Variants in PHIP observed in about 807,000 individuals in gnomAD.
PHIP encodes PH-interacting protein.
Under a neutral mutation model 236.8 loss-of-function variants are expected in PHIP, and 54 were observed. That is an observed-to-expected ratio of 0.23 (90% CI 0.18 to 0.29). The LOEUF (loss-of-function observed/expected upper bound fraction) is 0.29. Among genes scored for constraint, PHIP ranks in the 10% least tolerant of loss-of-function variants. The probability of loss-of-function intolerance (pLI) is 1.00; values close to 1 mark genes in which losing one functional copy is unlikely to be tolerated. For synonymous variants in PHIP, 756 were observed against 718.9 expected (o/e 1.05, Z -0.83); for missense variants, 1,370 against 2,190.8 (o/e 0.63, Z 7.48).
intron 10 of PHIP, among the ~76,000 whole-genome samples, chr6:79,017,939 T>C (rs1770912807): frequency 6.6e-6 from 1 of 151,930 alleles, no homozygotes; most frequent in Non-Finnish European, 1.5e-5. Context: ...TTCCCATGTG[T>C]CAAAATCTTA....
chr6:79,009,469 T>C (rs1054615576), intron 15 of PHIP, among the ~76,000 whole-genome samples: 3 of 152,092 alleles, frequency 2.0e-5, no homozygotes, highest in African/African-American at 4.8e-5. Context: ...ATACAGCAAC[T>C]GTCTTTTCTC....
chr6:78,967,978 CA>C (rs545254847), intron 27 of PHIP, among the ~76,000 whole-genome samples: 6 of 147,404 alleles, frequency 4.1e-5, no homozygotes, highest in East Asian at 2.0e-4. Flanking sequence ...ACTAAAAATA[CA>C]AAAAAAAAAT....
Position 78,954,892 on chromosome 6 carries a change from A to G in PHIP, c.3975T>C (p.Cys1325=). The G allele has an allele frequency of 1.3e-6, 2 of 1,587,732 alleles. No individual in the cohort carries two copies. The highest frequency in any genetic ancestry group is 1.7e-6 in the Non-Finnish European group (2 of 1,168,270). ...GAAATATGAGATTTAACAATTCTTC[A>G]CACTGTTTCTTCCATGCTTGAATAT... The part of the protein sequence containing the change: ...SYDIQAWKKQ[C]EELLNLIFQC... Residue 1325 remains cysteine (C), a synonymous_variant, in exon 35 of 40, where the codon TGT becomes TGC. Transcript: ENST00000275034.
Position 79,026,001 on chromosome 6 carries a change from C to T in PHIP, c.764G>A (p.Arg255Gln). 1.2e-6 allele frequency: 2 copies of T among 1,614,022 alleles called. No individual in the cohort carries two copies. ...AAGAACAGCCAAAGGTGCACAGGTT[C>T]GAAGACACCAGACTCGGATCATTTT... ...CDKMIRVWCL[R>Q]TCAPLAVLQG... Residue 255 changes from arginine to glutamine, a missense_variant, in exon 8 of 40, where the codon CGA (arginine) becomes CAA (glutamine). Arg to Gln is a conservative substitution (Grantham distance 43). Transcript: ENST00000275034.
chr6:78,961,025 A>T (rs1282809664), intron 31 of PHIP, among the ~76,000 whole-genome samples: 2 of 152,124 alleles, frequency 1.3e-5, no homozygotes, highest in Non-Finnish European at 2.9e-5. Flanking sequence ...TTAAAACTAA[A>T]AACAGGATTC....
At chr6:78,981,054 T>G (rs867107269) in intron 23 of PHIP, among the ~76,000 whole-genome samples, 11 of 152,068 alleles carry the variant, frequency 7.2e-5, no homozygotes, top group Admixed American at 1.3e-4. Flanking sequence ...CAATAATTCC[T>G]GAGGAACTTA....
rs1773362340 is a variant in PHIP at position 78,938,715 on chromosome 6, A to C, written c.*1978T>G. ...GTTAGAAAAAAATAAATATACAAAA[A>C]ACCTGAAAAATTTGAAATTATTTTT... On this transcript the variant is annotated 3_prime_UTR_variant, in exon 40 of 40. Coordinates refer to ENST00000275034, the MANE Select transcript of PHIP (RefSeq NM_017934.7). The C allele has an allele frequency of 6.6e-6, 1 of 151,718 alleles. No homozygotes were observed. Among genetic ancestry groups the C allele is most frequent in the South Asian group, 2.1e-4 (1 of 4,834 alleles). The allele number at this position is 151,718 out of a possible 1,614,324, so 9.4% of individuals were successfully genotyped here. A position where few individuals can be genotyped will look rare whatever the true frequency, so the allele number is the denominator to read the frequency against.
At chr6:79,062,748 G>A (rs1773439756) in intron 4 of PHIP, among the ~76,000 whole-genome samples, 1 of 152,174 alleles carries the variant, frequency 6.6e-6, no homozygotes, top group Non-Finnish European at 1.5e-5. Flanking sequence ...AAAGTTAGAA[G>A]AGATACTTCC....
At chr6:79,025,725 G>A (rs1049833038) in intron 8 of PHIP, 106 bp from the exon 9 acceptor site, 23 of 782,954 alleles carry the variant, frequency 2.9e-5, no homozygotes, top group Non-Finnish European at 4.6e-5. Context: ...GTTAGAAAAT[G>A]GCAAGAATTT....
chr6:79,005,570 A>AT lies in PHIP; in HGVS notation c.1525-1713dup, dbSNP rs563445751. Among the ~76,000 whole-genome samples, 495 of 151,554 alleles carry AT rather than the reference A, an allele frequency of 3.3e-3. 2 individuals carry two copies. The highest frequency in any genetic ancestry group is 0.01 in the African/African-American group (422 of 41,392). ...TGCCTTAGCCATGTGTTGTTAAATGATTTTTTTTTAACTCAGTTCACTCAA... is the reference window on the plus strand; with the variant it reads ...TGCCTTAGCCATGTGTTGTTAAATGATTTTTTTTTTAACTCAGTTCACTCAA... On this transcript the variant is annotated intron_variant, in intron 15 of 39. Transcript: ENST00000275034.
rs1297864567 is a variant in PHIP at position 78,946,234 on chromosome 6, T to C, written c.4397A>G (p.Lys1466Arg). ...SSPERKKRIL[K>R]PQLKSESSTS... ...AGAGCTTTCTGATTTTAGCTGGGGT[T>C]TTAAGATCCTTTTTTTCCTTTCAGG... The change falls in exon 38 of 40, where the codon AAA becomes AGA. Residue 1466 changes from lysine (K) to arginine (R), a missense_variant. Lys to Arg is a conservative substitution (Grantham distance 26). Coordinates refer to ENST00000275034, the MANE Select transcript of PHIP (RefSeq NM_017934.7). 6.2e-7 allele frequency: 1 copy of C among 1,613,382 alleles called. No individual in the cohort carries two copies. Among genetic ancestry groups the C allele is most frequent in the East Asian group, 2.2e-5 (1 of 44,888 alleles).
intron 27 of PHIP, among the ~76,000 whole-genome samples, chr6:78,966,624 C>T (rs1572586): frequency 1.2e-4 from 18 of 152,264 alleles, no homozygotes; most frequent in African/African-American, 4.3e-4. Flanking sequence ...CTTTTTAAAA[C>T]AGAGGACACT....
In PHIP at chr6:78,970,180, GAGAC is replaced by G. The variant is rs1197710439; in HGVS notation, c.2998-11_2998-8del. On this transcript the variant is annotated splice_polypyrimidine_tract_variant and splice_region_variant and intron_variant, in intron 25 of 39. Coordinates refer to ENST00000275034, the MANE Select transcript of PHIP (RefSeq NM_017934.7). ...TTTTCATAAGTTCTTGTTCCTGAGA[GAGAC>G]AGAGAATATAAGGAACCATCTTTAC... 1 of 1,608,632 alleles carries G rather than the reference GAGAC, an allele frequency of 6.2e-7. No individual in the cohort carries two copies.
rs7742874 is a variant in PHIP, at chr6:78,969,851, G to A, written c.3189C>T (p.Tyr1063=). The change falls in exon 27 of 40, where the codon TAC becomes TAT. Residue 1063 remains tyrosine, a synonymous_variant. Transcript: ENST00000275034. ...VLRQQFDDAK[Y]RRWNIGDRFR... is the part of the protein sequence containing the mutation. ...ATTACCCACCTATATTCCATCGCCT[G>A]TATTTTGCATCATCAAATTGTTGTC... 1 of 1,567,478 alleles carries A rather than the reference G, an allele frequency of 6.4e-7. No homozygotes were observed. The highest frequency in any genetic ancestry group is 8.8e-7 in the Non-Finnish European group (1 of 1,141,944).
In PHIP at chr6:78,938,125, A is replaced by G. The variant is rs1312991960; in HGVS notation, c.*2568T>C. On this transcript the variant is annotated 3_prime_UTR_variant, in exon 40 of 40. Coordinates refer to ENST00000275034, the MANE Select transcript of PHIP (RefSeq NM_017934.7). ...TCTTAATTCAACTTCTGTAATGCAT[A>G]GAAGCTAAATTATAAAAATATAAAA... 6.6e-6 allele frequency: 1 copy of G among 151,756 alleles called. No individual in the cohort carries two copies. Among genetic ancestry groups the G allele is most frequent in the Admixed American group, 6.6e-5 (1 of 15,240 alleles). 9.4% of individuals were successfully genotyped at this position (151,756 alleles called of 1,614,324 possible).
rs1279890099 is a variant in PHIP at position 78,983,008 on chromosome 6, C to T, written c.2647G>A (p.Glu883Lys). ...TTCTGTTTTTCAGATTCTTCTTCTT[C>T]ATCTGAACTGCTTTCTGCTTTCTTG... Reference protein sequence around the residue: ...KTKKAESSSDEEEESEKQKQK... With the variant: ...KTKKAESSSDKEEESEKQKQK... The change falls in exon 23 of 40, where the codon GAA becomes AAA. Residue 883 changes from glutamate (E) to lysine (K), a missense_variant. Around this residue, in one of 14 missense-constraint regions of PHIP, gnomAD observed 76 missense variants for 76.4 expected, o/e 0.99. Transcript: ENST00000275034. The T allele has an allele frequency of 6.2e-7, 1 of 1,608,810 alleles. No individual in the cohort carries two copies. The highest frequency in any genetic ancestry group is 8.5e-7 in the Non-Finnish European group (1 of 1,176,512).
chr6:79,065,764 C>CCCCACACA (rs1491391054), intron 4 of PHIP, among the ~76,000 whole-genome samples: 26 of 143,380 alleles, frequency 1.8e-4, no homozygotes, highest in African/African-American at 6.7e-4. Flanking sequence ...CTTAACTATA[C>CCCCACACA]CACACACACA....
rs1217399478 is a variant in PHIP at position 78,935,574 on chromosome 6, G to C, written c.*5119C>G. 5.2e-6 allele frequency: 5 copies of C among 969,562 alleles called. No individual in the cohort carries two copies. The African/African-American group carries it at 7.0e-5, about 14-fold the overall frequency. The allele number at this position is 969,562 out of a possible 1,614,324, so 60.1% of individuals were successfully genotyped here. A position where few individuals can be genotyped will look rare whatever the true frequency, so the allele number is the denominator to read the frequency against. On this transcript the variant is annotated 3_prime_UTR_variant, in exon 40 of 40. Transcript: ENST00000275034. ...CACTCATCACAGTAACTTACGGTAA[G>C]AAATCAATAAAATTGTTTTATTAAA...
At position 78,958,575 on chromosome 6, in the gene PHIP, C is replaced by A. The variant is rs753171971; in HGVS notation, c.3682G>T (p.Val1228Phe). The A allele has an allele frequency of 1.9e-6, 3 of 1,581,358 alleles. No homozygotes were observed. The highest frequency in any genetic ancestry group is 2.6e-6 in the Non-Finnish European group (3 of 1,153,136). The change falls in exon 32 of 40, where the codon GTT (valine) becomes TTT (phenylalanine). Residue 1228 changes from valine (V) to phenylalanine (F), a missense_variant. By Grantham distance (50) the Val-to-Phe change is conservative. Around this residue, in one of 14 missense-constraint regions of PHIP, gnomAD observed 238 missense variants for 398.5 expected, o/e 0.60. Coordinates refer to ENST00000275034, the MANE Select transcript of PHIP (RefSeq NM_017934.7). ...YRRVSSLMWE[V>F]RYIEHNTRTF... ...CGTGTATTATGCTCTATATATCGAA[C>A]TTCCCACATTAGGGAAGAAACCCGC... is the stretch of plus-strand genomic sequence containing the variant.
Sources: allele counts gnomAD v4.1 joint callset (sites outside exome capture counted in the v4.1 genomes callset), GRCh38; gene constraint gnomAD v4.1.1; regional missense constraint gnomAD v4.1.1; transcripts MANE v1.5; gene names NCBI Gene and HGNC (gene_info 2026-07-23, HGNC 2026-07-21).